Variants in ARSB observed in about 807,000 individuals in gnomAD.
ARSB encodes the protein N-acetylgalactosamine-4-sulfatase.
Under a neutral mutation model 50.9 loss-of-function variants are expected in ARSB, and 41 were observed. The ratio of observed to expected loss-of-function variants is 0.81; its 90% CI spans 0.63 to 1.04. The LOEUF (loss-of-function observed/expected upper bound fraction) is 1.04, where lower values mean the gene tolerates loss of function less well. Among genes scored for constraint, ARSB ranks in the 50% least tolerant of loss-of-function variants. The pLI is 0.00. For synonymous variants in ARSB, 269 were observed against 284.8 expected (o/e 0.94, Z 0.56); for missense variants, 672 against 693.3 (o/e 0.97, Z 0.35).
chr5:78,895,858 G>C (rs1245983624), intron 4 of ARSB, among the ~76,000 whole-genome samples: 1 of 152,210 alleles, frequency 6.6e-6, no homozygotes, highest in Non-Finnish European at 1.5e-5. Context: ...GGGGAAGAGA[G>C]AGGACTGGAA....
chr5:78,982,679 C>T (rs1326081688), intron 1 of ARSB, among the ~76,000 whole-genome samples: 1 of 152,204 alleles, frequency 6.6e-6, no homozygotes, highest in African/African-American at 2.4e-5. Context: ...TGAGTTAACA[C>T]TTGTAAGTGC....
At chr5:78,947,610 T>G (rs1204910607) in intron 4 of ARSB, among the ~76,000 whole-genome samples, 2 of 152,092 alleles carry the variant, frequency 1.3e-5, no homozygotes, top group Non-Finnish European at 2.9e-5. Context: ...TAAAATGGCT[T>G]TTATCCAAAA....
intron 4 of ARSB, among the ~76,000 whole-genome samples, chr5:78,897,213 T>C (rs987911990): frequency 6.6e-6 from 1 of 152,224 alleles, no homozygotes; most frequent in South Asian, 2.1e-4. Flanking sequence ...TTAATCTTCA[T>C]GACTAACCAG....
chr5:78,941,595 C>T (rs1322066959), intron 4 of ARSB, among the ~76,000 whole-genome samples: 1 of 152,156 alleles, frequency 6.6e-6, no homozygotes, highest in Non-Finnish European at 1.5e-5. Context: ...TATTGATTTG[C>T]ATATATTGAA....
At chr5:78,830,918 C>T (rs575296750) in intron 6 of ARSB, among the ~76,000 whole-genome samples, 87 of 152,298 alleles carry the variant, frequency 5.7e-4, no homozygotes, top group Non-Finnish European at 1.2e-3. Flanking sequence ...GCAACTCCCA[C>T]TCTATAAGAA....
intron 3 of ARSB, among the ~76,000 whole-genome samples, chr5:78,956,250 GA>G (rs1751718653): frequency 6.6e-6 from 1 of 152,140 alleles, no homozygotes. Flanking sequence ...TATACTAAGT[GA>G]AATCAGTCAA....
Position 78,811,914 on chromosome 5 carries a change from A to G in ARSB, c.1213+27442T>C, listed in dbSNP as rs117525306. ...AGGCAGATGAAAAAGTTAACAGTGTATTCACATTTCATCCATACATTTTTT... is the reference window on the plus strand; with the variant it reads ...AGGCAGATGAAAAAGTTAACAGTGTGTTCACATTTCATCCATACATTTTTT... On this transcript the variant is annotated intron_variant, in intron 6 of 7. Coordinates refer to ENST00000264914, the MANE Select transcript of ARSB (RefSeq NM_000046.5). 1.0e-3 allele frequency among the ~76,000 whole-genome samples: 152 copies of G among 152,132 alleles called. 1 individual carries two copies. The East Asian group carries it at 0.012, about 12-fold the overall frequency.
At chr5:78,907,571 G>A (rs1313862474) in intron 4 of ARSB, among the ~76,000 whole-genome samples, 1 of 152,096 alleles carries the variant, frequency 6.6e-6, no homozygotes, top group African/African-American at 2.4e-5. Flanking sequence ...ATTTTATTTG[G>A]GTTAATTCCT....
chr5:78,926,972 C>A (rs1169901760), intron 4 of ARSB, among the ~76,000 whole-genome samples: 1 of 152,216 alleles, frequency 6.6e-6, no homozygotes, highest in African/African-American at 2.4e-5. Flanking sequence ...GCCTTGACCT[C>A]CCTGGCTCAG....
chr5:78,805,424 T>C (rs62377502), intron 6 of ARSB, among the ~76,000 whole-genome samples: 62 of 152,040 alleles, frequency 4.1e-4, no homozygotes, highest in Non-Finnish European at 8.4e-4. Flanking sequence ...CAAAATGAGG[T>C]TGTTAGGAAG....
In ARSB at chr5:78,780,001, G is replaced by A. The variant is rs114935268; in HGVS notation, c.*396C>T. 2.2e-4 allele frequency: 60 copies of A among 278,322 alleles called. No individual in the cohort carries two copies. The highest frequency in any genetic ancestry group is 1.1e-3 in the African/African-American group (48 of 45,524). The allele number at this position is 278,322 out of a possible 1,614,324, so 17.2% of individuals were successfully genotyped here. A position where few individuals can be genotyped will look rare whatever the true frequency, so the allele number is the denominator to read the frequency against. On this transcript the variant is annotated 3_prime_UTR_variant, in exon 8 of 8. Coordinates refer to ENST00000264914, the MANE Select transcript of ARSB (RefSeq NM_000046.5). ...ATCACTGTCTGCTCCCTTCATTTGC[G>A]TAAGAAATGTGATTCACTCCAATAA...
chr5:78,916,290 AAG>A (rs1414352851), intron 4 of ARSB, among the ~76,000 whole-genome samples: 1 of 152,238 alleles, frequency 6.6e-6, no homozygotes, highest in Non-Finnish European at 1.5e-5. Context: ...TACGGAAAGA[AAG>A]AGAAAAAAGG....
At chr5:78,984,659 C>T (rs771365356) in intron 1 of ARSB, among the ~76,000 whole-genome samples, 20 of 152,160 alleles carry the variant, frequency 1.3e-4, no homozygotes, top group Non-Finnish European at 2.4e-4. Context: ...TAAACCCCTT[C>T]GCCCGGAGCT....
At chr5:78,942,340 G>T (rs1006915774) in intron 4 of ARSB, among the ~76,000 whole-genome samples, 1 of 151,560 alleles carries the variant, frequency 6.6e-6, no homozygotes, top group African/African-American at 2.4e-5. Flanking sequence ...GAATGGGTTT[G>T]CTCTTGCTTC....
chr5:78,891,705 T>C (rs551126971), intron 4 of ARSB, among the ~76,000 whole-genome samples: 18 of 152,324 alleles, frequency 1.2e-4, no homozygotes, highest in Admixed American at 1.2e-3. Flanking sequence ...CAGGAGGCCT[T>C]ATGCAATCGC....
At chr5:78,938,028 T>C (rs1416574769) in intron 4 of ARSB, among the ~76,000 whole-genome samples, 1 of 152,144 alleles carries the variant, frequency 6.6e-6, no homozygotes, top group African/African-American at 2.4e-5. Flanking sequence ...AAAAGTGAGA[T>C]GGAGGTAAAC....
At chr5:78,886,350 T>C (rs1448240668) in intron 4 of ARSB, among the ~76,000 whole-genome samples, 1 of 152,240 alleles carries the variant, frequency 6.6e-6, no homozygotes, top group Non-Finnish European at 1.5e-5. Flanking sequence ...CTGGCAATAA[T>C]ATCTCTTTCT....
At chr5:78,970,627 A>T (rs1561534094) in intron 1 of ARSB, among the ~76,000 whole-genome samples, 1 of 152,118 alleles carries the variant, frequency 6.6e-6, no homozygotes, top group Non-Finnish European at 1.5e-5. Flanking sequence ...GGAGACAGTG[A>T]CAGAGGTGGC....
At chr5:78,849,238 T>C (rs1473036013) in intron 5 of ARSB, among the ~76,000 whole-genome samples, 1 of 152,130 alleles carries the variant, frequency 6.6e-6, no homozygotes, top group Admixed American at 6.5e-5. Flanking sequence ...GAATTAATTT[T>C]TGTATAAGGT....
Sources: gnomAD v4.1 joint callset for allele counts (sites outside exome capture counted in the v4.1 genomes callset) on GRCh38, gnomAD v4.1.1 for gene constraint, MANE v1.5 for transcripts, NCBI Gene and HGNC (gene_info 2026-07-23, HGNC 2026-07-21) for gene names.